The following AIM2 variants were observed in gnomAD, a reference collection of about 807,000 sequenced individuals.
AIM2 encodes the protein interferon-inducible protein AIM2.
In AIM2, 30 loss-of-function variants were observed where a neutral mutation model predicts 27.7. The observed-to-expected ratio is 1.08, with a 90% CI of 0.81 to 1.47. The LOEUF (loss-of-function observed/expected upper bound fraction) is 1.47. AIM2 is among the 40% of genes most tolerant of loss of function. The pLI, the probability that AIM2 is intolerant of heterozygous loss-of-function variation, is 0.00. For missense variants in AIM2, 358 were observed against 411.3 expected, an observed-to-expected ratio of 0.87 and a Z score of 1.12; for synonymous variants, 141 against 145.3, an observed-to-expected ratio of 0.97 and a Z score of 0.21.
At chr1:159,076,376 G>A (rs1388403358) in intron 1 of AIM2, among the ~76,000 whole-genome samples, 1 of 152,154 alleles carries the variant, frequency 6.6e-6, no homozygotes, top group African/African-American at 2.4e-5. Context: ...TGGCATAAAA[G>A]TCAGCCTTAC....
At chr1:159,125,959 CA>C (rs1425154712) in intron 1 of AIM2, among the ~76,000 whole-genome samples, 1 of 152,114 alleles carries the variant, frequency 6.6e-6, no homozygotes, top group Admixed American at 6.6e-5. Flanking sequence ...TTCATGGCTA[CA>C]AAAAACACTT....
intron 4 of AIM2, among the ~76,000 whole-genome samples, chr1:159,064,906 A>T (rs1656016100): frequency 6.6e-6 from 1 of 152,246 alleles, no homozygotes; most frequent in African/African-American, 2.4e-5. Context: ...TTGGTCAGTT[A>T]TTTAGGAGAT....
At chr1:159,106,562 C>A (rs1657451945) in intron 1 of AIM2, among the ~76,000 whole-genome samples, 1 of 152,180 alleles carries the variant, frequency 6.6e-6, no homozygotes, top group East Asian at 1.9e-4. Flanking sequence ...CCATTCAGAT[C>A]TGGGTGGAAA....
chr1:159,055,737 T>C, the AIM2 span, among the ~76,000 whole-genome samples: 3 of 152,234 alleles, frequency 2.0e-5, no homozygotes, highest in African/African-American at 4.8e-5. Flanking sequence ...AGAAAGTAAG[T>C]ATCTAAAACT....
intron 1 of AIM2, among the ~76,000 whole-genome samples, chr1:159,140,087 G>T (rs1310874610): frequency 6.6e-6 from 1 of 151,998 alleles, no homozygotes. Flanking sequence ...TTTCCTTTCA[G>T]GCGAGGGCTT....
chr1:159,109,652 A>G (rs1657524198), intron 1 of AIM2, among the ~76,000 whole-genome samples: 1 of 152,244 alleles, frequency 6.6e-6, no homozygotes, highest in Admixed American at 6.5e-5. Flanking sequence ...CAATCTTTAC[A>G]ATCTATACAA....
chr1:159,134,780 T>C (rs1446797438), intron 1 of AIM2, among the ~76,000 whole-genome samples: 2 of 152,004 alleles, frequency 1.3e-5, no homozygotes, highest in Non-Finnish European at 2.9e-5. Context: ...TGCAGTGAGC[T>C]GAGATCGCGA....
intron 1 of AIM2, among the ~76,000 whole-genome samples, chr1:159,131,944 G>A (rs947989322): frequency 3.9e-5 from 6 of 152,032 alleles, no homozygotes; most frequent in East Asian, 1.9e-4. Context: ...AAATCAAGTC[G>A]GGAAAGAACG....
chr1:159,101,886 A>C (rs184501583), intron 1 of AIM2, among the ~76,000 whole-genome samples: 40 of 152,312 alleles, frequency 2.6e-4, no homozygotes, highest in African/African-American at 9.4e-4. Context: ...TTGCAGCCTG[A>C]CCATGTAGTA....
intron 1 of AIM2, among the ~76,000 whole-genome samples, chr1:159,138,520 T>C (rs190386497): frequency 2.0e-5 from 3 of 152,346 alleles, no homozygotes; most frequent in East Asian, 1.9e-4. Context: ...ATAATATTTA[T>C]TTACCTGTCT....
chr1:159,080,525 T>C (rs1325862657), upstream of AIM2, among the ~76,000 whole-genome samples: 1 of 152,214 alleles, frequency 6.6e-6, no homozygotes, highest in Non-Finnish European at 1.5e-5. Flanking sequence ...CTCAATGCAA[T>C]TAAATGCTAA....
At chr1:159,069,435 CTA>C (rs1437009352) in intron 2 of AIM2, among the ~76,000 whole-genome samples, 1 of 151,682 alleles carries the variant, frequency 6.6e-6, no homozygotes, top group Admixed American at 6.6e-5. Context: ...TTCTCTCTCT[CTA>C]TATATATGTA....
upstream of AIM2, among the ~76,000 whole-genome samples, chr1:159,141,371 A>T (rs903886682): frequency 6.6e-6 from 1 of 152,170 alleles, no homozygotes; most frequent in African/African-American, 2.4e-5. Flanking sequence ...TTCAAATGCT[A>T]TGTCAGTCGG....
chr1:159,135,249 A>T (rs771968987), intron 1 of AIM2, among the ~76,000 whole-genome samples: 1 of 152,156 alleles, frequency 6.6e-6, no homozygotes, highest in Non-Finnish European at 1.5e-5. Context: ...CTGTCTCTAG[A>T]TTACTTTCAC....
intron 1 of AIM2, among the ~76,000 whole-genome samples, chr1:159,107,894 A>T (rs1393128506): frequency 6.6e-6 from 1 of 152,194 alleles, no homozygotes; most frequent in African/African-American, 2.4e-5. Flanking sequence ...AGAAGCAGCG[A>T]GATTGAAATG....
At chr1:159,108,127 C>G (rs1206404528) in intron 1 of AIM2, among the ~76,000 whole-genome samples, 1 of 152,072 alleles carries the variant, frequency 6.6e-6, no homozygotes, top group Non-Finnish European at 1.5e-5. Context: ...CCCAATATCC[C>G]CAATGAAATA....
At position 159,073,328 on chromosome 1, in the gene AIM2, C is replaced by A; in HGVS notation, c.172G>T (p.Ala58Ser). ...VATLMIQNAG[A>S]VSAVMKTIRI... ...ATGGTCTTCATCACTGCAGACACCG[C>A]CCCAGCATTTTGAATCATCAAGGTA... Residue 58 changes from alanine to serine, a missense_variant, in exon 2 of 6, where the codon GCG becomes TCG. Ala to Ser is a moderately conservative substitution (Grantham distance 99). Coordinates refer to ENST00000368130, the MANE Select transcript of AIM2 (RefSeq NM_004833.3). 3 of 1,614,180 alleles carry A rather than the reference C, an allele frequency of 1.9e-6. No homozygotes were observed. Among genetic ancestry groups the A allele is most frequent in the Middle Eastern group, 3.3e-4 (2 of 6,062 alleles).
intron 1 of AIM2, among the ~76,000 whole-genome samples, chr1:159,075,403 GA>G (rs113659112): frequency 2.7e-5 from 4 of 149,684 alleles, no homozygotes; most frequent in East Asian, 1.9e-4. Context: ...GGACAAGCCA[GA>G]AAAAAAAAAT....
rs371781441 is a variant in AIM2 at position 159,136,242 on chromosome 1, G to A, written c.-16+4189C>T. 3.4e-4 allele frequency among the ~76,000 whole-genome samples: 52 copies of A among 152,266 alleles called. No homozygotes were observed. In the East Asian group the frequency reaches 5.0e-3, roughly 15 times the overall value. ...CAGATAAAATCTCTCAAGTCCTCAC[G>A]CACAGCCTCCAAGAAACTAGCTTGA... On this transcript the variant is annotated intron_variant, in intron 1 of 2. Coordinates refer to the AIM2 transcript ENST00000368129.
Sources: gnomAD v4.1 joint callset for allele counts (sites outside exome capture counted in the v4.1 genomes callset) on GRCh38, gnomAD v4.1.1 for gene constraint, MANE v1.5 for transcripts, NCBI Gene and HGNC (gene_info 2026-07-23, HGNC 2026-07-21) for gene names.